Variants in ESPNL observed in about 807,000 individuals in gnomAD.
The protein encoded by ESPNL is espin like.
In ESPNL, 49 loss-of-function variants were observed where a neutral mutation model predicts 46.8. The ratio of observed to expected loss-of-function variants is 1.05; its 90% CI spans 0.83 to 1.33. The LOEUF is 1.33. ESPNL is among the 40% of genes most tolerant of loss of function. ESPNL has a pLI of 0.00. For missense variants in ESPNL, 1,540 were observed against 1,436.6 expected, an observed-to-expected ratio of 1.07 and a Z score of -1.16; for synonymous variants, 664 against 662.1, an observed-to-expected ratio of 1.00 and a Z score of -0.04.
Position 238,131,571 on chromosome 2 carries a change from C to T in ESPNL, c.2857C>T (p.His953Tyr). 1 of 1,611,166 alleles carries T rather than the reference C, an allele frequency of 6.2e-7. No individual in the cohort carries two copies. Among genetic ancestry groups the T allele is most frequent in the Middle Eastern group, 1.7e-4 (1 of 6,056 alleles). Reference sequence around the variant, plus strand: ...TCTGACCCTGCTCGGGCCCCTGCCTCACGCCGCCGTCCCCTGCAGCGGCCC... The same window carrying T: ...TCTGACCCTGCTCGGGCCCCTGCCTTACGCCGCCGTCCCCTGCAGCGGCCC... Reference protein sequence around the residue: ...SGLTLLGPLPHAAVPCSGPEP... With the variant: ...SGLTLLGPLPYAAVPCSGPEP... The change falls in exon 9 of 9, where the codon CAC (histidine) becomes TAC (tyrosine). Residue 953 changes from histidine (H) to tyrosine (Y), a missense_variant. His to Tyr is a moderately conservative substitution (Grantham distance 83). Transcript: ENST00000343063.
Position 238,100,655 on chromosome 2 carries a change from CCA to C in ESPNL, c.238_239del (p.Thr80GlyfsTer117), listed in dbSNP as rs1432847710. The C allele has an allele frequency of 6.9e-7, 1 of 1,446,972 alleles. No homozygotes were observed. The highest frequency in any genetic ancestry group is 1.5e-5 in the African/African-American group (1 of 67,708). 89.6% of individuals were successfully genotyped at this position (1,446,972 alleles called of 1,614,324 possible). A position where few individuals can be genotyped will look rare whatever the true frequency, so the allele number is the denominator to read the frequency against. On this transcript the variant is annotated frameshift_variant, in exon 1 of 9. Coordinates refer to ENST00000343063, the MANE Select transcript of ESPNL (RefSeq NM_194312.4). LOFTEE classifies it high-confidence loss of function. ...GCCACCCCAGCGCATGACGCCGCTG[CCA>C]CGGGCAGCCTGGCCGAGCTGTGCTG...
intron 6 of ESPNL, among the ~76,000 whole-genome samples, chr2:238,126,020 CTGTGTCTG>C (rs1013829338): frequency 1.9e-4 from 23 of 121,074 alleles, no homozygotes; most frequent in African/African-American, 6.6e-4. Flanking sequence ...TATGTTGTGT[CTGTGTCTG>C]TGTGTCTGTG....
chr2:238,116,538 T>G (rs1019271913), intron 4 of ESPNL, among the ~76,000 whole-genome samples: 2 of 152,102 alleles, frequency 1.3e-5, no homozygotes, highest in Non-Finnish European at 2.9e-5. Flanking sequence ...GAGCCTCGTC[T>G]CTTCACGTGC....
Position 238,130,959 on chromosome 2 carries a change from T to C in ESPNL, c.2245T>C (p.Trp749Arg), listed in dbSNP as rs1692308896. The C allele has an allele frequency of 3.2e-6, 5 of 1,549,890 alleles. No homozygotes were observed. The highest frequency in any genetic ancestry group is 4.4e-6 in the Non-Finnish European group (5 of 1,147,728). ...ERIIMLFLSH[W>R]RRSAYTPALK... is the part of the protein sequence containing the mutation. ...CATCATCATGCTCTTCCTCAGCCAC[T>C]GGAGGAGATCGGCCTACACGCCGGC... Residue 749 changes from tryptophan to arginine, a missense_variant, in exon 9 of 9, where the codon TGG becomes CGG. Transcript: ENST00000343063.
intron 4 of ESPNL, among the ~76,000 whole-genome samples, chr2:238,110,696 T>C (rs1307848409): frequency 1.0e-5 from 1 of 99,242 alleles, no homozygotes; most frequent in Non-Finnish European, 2.2e-5. Flanking sequence ...TTACCGAGTT[T>C]CCCTTTCCTG....
chr2:238,104,822 T>TA lies in ESPNL; in HGVS notation c.653dup (p.Tyr218Ter). 6.5e-7 allele frequency: 1 copy of TA among 1,533,958 alleles called. No individual in the cohort carries two copies. The highest frequency in any genetic ancestry group is 8.8e-7 in the Non-Finnish European group (1 of 1,140,856). Residue 218 changes from tyrosine to a stop codon, truncating the protein, a stop_gained and frameshift_variant, in exon 3 of 9, where the codon TAC (tyrosine) becomes TAAC (stop). Transcript: ENST00000343063. LOFTEE classifies it high-confidence loss of function. ...ALHAAAARGH[Y>*]SLVVWLVTFT... is the part of the protein sequence containing the mutation. Reference sequence around the variant, plus strand: ...GCACGCTGCCGCCGCCCGTGGCCACTACTCCCTCGTCGTCTGGCTGGTAAG... The same window carrying TA: ...GCACGCTGCCGCCGCCCGTGGCCACTAACTCCCTCGTCGTCTGGCTGGTAAG...
rs1206277302 is a variant in ESPNL, at chr2:238,131,366, G to A, written c.2652G>A (p.Glu884=). 1 of 1,601,856 alleles carries A rather than the reference G, an allele frequency of 6.2e-7. No individual in the cohort carries two copies. Among genetic ancestry groups the A allele is most frequent in the Non-Finnish European group, 8.5e-7 (1 of 1,175,170 alleles). The part of the protein sequence containing the change: ...ERKLRHLLCF[E]VFEHLGTHGW... Reference sequence around the variant, plus strand: ...AGCTGCGCCACCTGCTGTGCTTCGAGGTCTTCGAGCACCTGGGCACCCACG... The same window carrying A: ...AGCTGCGCCACCTGCTGTGCTTCGAAGTCTTCGAGCACCTGGGCACCCACG... The change falls in exon 9 of 9, where the codon GAG becomes GAA. Residue 884 remains glutamate (E), a synonymous_variant. Coordinates refer to ENST00000343063, the MANE Select transcript of ESPNL (RefSeq NM_194312.4).
rs776634470 is a variant in ESPNL, at chr2:238,131,092, G to A, written c.2378G>A (p.Arg793Gln). Residue 793 changes from arginine to glutamine, a missense_variant, in exon 9 of 9, where the codon CGG becomes CAG. By Grantham distance (43) the Arg-to-Gln change is conservative. Coordinates refer to ENST00000343063, the MANE Select transcript of ESPNL (RefSeq NM_194312.4). ...GPPSPPSEGP[R>Q]LGHLWQQRST... ...CCCTCCCCGCCCAGCGAGGGCCCCC[G>A]GCTGGGCCACCTGTGGCAGCAGCGC... 5.7e-5 allele frequency: 88 copies of A among 1,541,906 alleles called. No homozygotes were observed. In the Admixed American group the frequency reaches 1.1e-3, roughly 20 times the overall value.
chr2:238,107,406 G>A (rs924703284), intron 3 of ESPNL, among the ~76,000 whole-genome samples: 2 of 152,178 alleles, frequency 1.3e-5, no homozygotes, highest in African/African-American at 2.4e-5. Context: ...ACGAGGCAGC[G>A]CCACCCTCGG....
chr2:238,113,567 GA>G (rs555403725), intron 4 of ESPNL, among the ~76,000 whole-genome samples: 367 of 152,316 alleles, frequency 2.4e-3, no homozygotes, highest in African/African-American at 8.4e-3. Flanking sequence ...ATGCTGACAT[GA>G]AAAATGAAGC....
In ESPNL at chr2:238,126,503, CTGTG is replaced by C. The variant is rs538563868; in HGVS notation, c.1103-1114_1103-1111del. ...GATTGTGTGTCTGTTCTGTCTGTTT[CTGTG>C]TGTGATTGTGTCTATGCATCTGTGT... On this transcript the variant is annotated intron_variant, in intron 6 of 8. Coordinates refer to ENST00000343063, the MANE Select transcript of ESPNL (RefSeq NM_194312.4). Among the ~76,000 whole-genome samples, 322 of 148,262 alleles carry C rather than the reference CTGTG, an allele frequency of 2.2e-3. 2 individuals carry two copies. Among genetic ancestry groups the C allele is most frequent in the African/African-American group, 7.7e-3 (306 of 39,852 alleles).
chr2:238,129,137 T>A, intron 8 of ESPNL: 1 of 1,399,100 alleles, frequency 7.1e-7, no homozygotes, highest in South Asian at 1.7e-5. Flanking sequence ...TCCTTCCACT[T>A]GGCGGATTTG....
At position 238,100,548 on chromosome 2, in the gene ESPNL, C is replaced by A; in HGVS notation, c.129C>A (p.Ala43=). 6.3e-7 allele frequency: 1 copy of A among 1,591,998 alleles called. No homozygotes were observed. Among genetic ancestry groups the A allele is most frequent in the Non-Finnish European group, 8.5e-7 (1 of 1,171,612 alleles). ...DALGAGLVHH[A]TRAGHLDCVK... ...TGGGGGCCGGCCTGGTTCACCACGC[C>A]ACCCGGGCTGGCCACCTGGACTGCG... The change falls in exon 1 of 9, where the codon GCC becomes GCA. Residue 43 remains alanine (A), a synonymous_variant. Transcript: ENST00000343063.
Position 238,127,642 on chromosome 2 carries a change from T to C in ESPNL, c.1123T>C (p.Trp375Arg), listed in dbSNP as rs1354258781. 6.2e-7 allele frequency: 1 copy of C among 1,609,146 alleles called. No homozygotes were observed. Among genetic ancestry groups the C allele is most frequent in the Admixed American group, 1.7e-5 (1 of 59,446 alleles). ...GGCAGCCATGTCCCTCAGCCCGGCC[T>C]GGCCTGGCCATCCTGACCAGCCTCT... ...NPSPMSLSPA[W>R]PGHPDQPLPR... The change falls in exon 7 of 9, where the codon TGG becomes CGG. Residue 375 changes from tryptophan (W) to arginine (R), a missense_variant. Transcript: ENST00000343063.
In ESPNL at chr2:238,114,475, A is replaced by G. The variant is rs1391627478; in HGVS notation, c.856-2428A>G. 1.3e-5 allele frequency among the ~76,000 whole-genome samples: 2 copies of G among 151,968 alleles called. No homozygotes were observed. Among genetic ancestry groups the G allele is most frequent in the Non-Finnish European group, 1.5e-5 (1 of 67,992 alleles). ...AACCTTTGCCATTCCCCCAGCCCAG[A>G]GCCTCCGGGAGCAGTGCCTCTCTCC... On this transcript the variant is annotated intron_variant, in intron 4 of 8. Coordinates refer to ENST00000343063, the MANE Select transcript of ESPNL (RefSeq NM_194312.4). This position sits in a 1 kb window ranked among gnomAD's most constrained non-coding sequence, Gnocchi z 5.0.
rs1692255777 is a variant in ESPNL at position 238,130,137 on chromosome 2, G to A, written c.1423G>A (p.Gly475Arg). 5.0e-6 allele frequency: 8 copies of A among 1,609,778 alleles called. No homozygotes were observed. Among genetic ancestry groups the A allele is most frequent in the Non-Finnish European group, 6.8e-6 (8 of 1,177,708 alleles). Residue 475 changes from glycine (G) to arginine (R), a missense_variant, in exon 9 of 9, where the codon GGG becomes AGG. Transcript: ENST00000343063. The part of the protein sequence containing the change: ...ESSAEAQDNG[G>R]SSGPTEQAAW... ...CCCTTCCTGTGCCCAGGACAATGGT[G>A]GGAGCTCAGGCCCCACGGAGCAGGC...
At chr2:238,113,711 G>A (rs922506810) in intron 4 of ESPNL, among the ~76,000 whole-genome samples, 6 of 152,162 alleles carry the variant, frequency 3.9e-5, no homozygotes, top group African/African-American at 1.4e-4. Context: ...CAGGGGCCTG[G>A]CTGGCGTCTG....
chr2:238,128,166 G>A (rs541280208), intron 7 of ESPNL, among the ~76,000 whole-genome samples: 2 of 152,166 alleles, frequency 1.3e-5, no homozygotes, highest in Non-Finnish European at 2.9e-5. Flanking sequence ...CCCTTTCCTG[G>A]GCGCCGGGCC....
chr2:238,129,302 T>C (rs1335569626), intron 8 of ESPNL: 2 of 1,029,384 alleles, frequency 1.9e-6, no homozygotes, highest in South Asian at 8.0e-5. Flanking sequence ...GACTATGATA[T>C]ATGGGTGCTT....
Sources: allele counts gnomAD v4.1 joint callset (sites outside exome capture counted in the v4.1 genomes callset), GRCh38; gene constraint gnomAD v4.1.1; non-coding constraint Gnocchi (gnomAD v3.1); transcripts MANE v1.5; gene names NCBI Gene and HGNC (gene_info 2026-07-23, HGNC 2026-07-21).